The following CCDC13 variants were observed in gnomAD, a reference collection of about 807,000 sequenced individuals.
CCDC13 encodes the protein coiled-coil domain containing 13.
In CCDC13, 70 loss-of-function variants were observed where a neutral mutation model predicts 87.3. The observed-to-expected ratio is 0.80, with a 90% CI of 0.66 to 0.98. CCDC13 has a LOEUF of 0.98. Among genes scored for constraint, CCDC13 ranks in the 50% least tolerant of loss-of-function variants. The probability of loss-of-function intolerance (pLI) is 0.00; values close to 1 mark genes in which losing one functional copy is unlikely to be tolerated. For synonymous variants in CCDC13, 317 were observed against 360.3 expected (o/e 0.88, Z 1.36); for missense variants, 842 against 892.0 (o/e 0.94, Z 0.71).
chr3:42,730,678 A>T, intron 12 of CCDC13, 89 bp from the exon 13 acceptor site: 1 of 1,537,736 alleles, frequency 6.5e-7, no homozygotes, highest in Non-Finnish European at 8.9e-7. Context: ...GACTAGAAGG[A>T]CATTCAGGGC....
In CCDC13 at chr3:42,757,171, C is replaced by T; in HGVS notation, c.265G>A (p.Glu89Lys). 1 of 1,614,208 alleles carries T rather than the reference C, an allele frequency of 6.2e-7. No individual in the cohort carries two copies. The highest frequency in any genetic ancestry group is 8.5e-7 in the Non-Finnish European group (1 of 1,180,036). ...EIEHLRNELR[E>K]TVDENGRLYK... ...AATCGCCCGTTCTCGTCCACCGTTT[C>T]CCTGAGCTCATTTCGAAGGTGTTCA... The change falls in exon 3 of 16, where the codon GAA (glutamate) becomes AAA (lysine). Residue 89 changes from glutamate to lysine, a missense_variant. By Grantham distance (56) the Glu-to-Lys change is moderately conservative. Transcript: ENST00000310232.
rs368210202 is a variant in CCDC13, at chr3:42,767,928, C to T, written c.-7+5248G>A. Reference sequence around the variant, plus strand: ...GGCAGAGGTTGCAGTGAGCTGAGATCGTGACATTGCACTCCAGCCTGGCCA... The same window carrying T: ...GGCAGAGGTTGCAGTGAGCTGAGATTGTGACATTGCACTCCAGCCTGGCCA... On this transcript the variant is annotated intron_variant, in intron 1 of 15. Coordinates refer to ENST00000310232, the MANE Select transcript of CCDC13 (RefSeq NM_144719.4). 6.0e-5 allele frequency among the ~76,000 whole-genome samples: 9 copies of T among 151,006 alleles called. No individual in the cohort carries two copies. In the South Asian group the frequency reaches 8.4e-4, roughly 14 times the overall value.
chr3:42,752,099 T>A, intron 4 of CCDC13, 74 bp from the exon 5 acceptor site: 1 of 1,296,786 alleles, frequency 7.7e-7, no homozygotes, highest in East Asian at 2.3e-5. Flanking sequence ...CTGGTGCCAT[T>A]GTGTGTGTGG....
intron 5 of CCDC13, chr3:42,749,722 G>C: frequency 5.5e-6 from 2 of 361,368 alleles, no homozygotes; most frequent in South Asian, 4.1e-5. Context: ...GGGGACCTGG[G>C]TATGGGTACG....
Position 42,708,867 on chromosome 3 carries a change from T to C in CCDC13, c.*113A>G. 8.9e-7 allele frequency: 1 copy of C among 1,129,278 alleles called. No individual in the cohort carries two copies. The highest frequency in any genetic ancestry group is 1.2e-6 in the Non-Finnish European group (1 of 814,274). 70.0% of individuals were successfully genotyped at this position (1,129,278 alleles called of 1,614,324 possible). The stretch of plus-strand genomic sequence containing the variant: ...AGGAGCCTCTTCTGGTAGAAGTGGT[T>C]GAGCTGGCTGCCCTGGGCTGGCTTC... On this transcript the variant is annotated 3_prime_UTR_variant, in exon 16 of 16. Transcript: ENST00000310232.
chr3:42,771,598 T>TA (rs1237855881), intron 1 of CCDC13, among the ~76,000 whole-genome samples: 4 of 151,876 alleles, frequency 2.6e-5, no homozygotes, highest in Non-Finnish European at 4.4e-5. Flanking sequence ...TTACAAAAAA[T>TA]AAAAAAATTA....
intron 13 of CCDC13, among the ~76,000 whole-genome samples, chr3:42,718,823 T>C (rs996919703): frequency 2.0e-5 from 3 of 152,036 alleles, no homozygotes; most frequent in Non-Finnish European, 2.9e-5. Context: ...CCAAAGGAAA[T>C]AGACTTCAGC....
At chr3:42,715,159 A>G (rs77853045) in intron 13 of CCDC13, among the ~76,000 whole-genome samples, 1 of 129,320 alleles carries the variant, frequency 7.7e-6, no homozygotes, top group Non-Finnish European at 1.7e-5. Flanking sequence ...AAAAAAAAAA[A>G]TTAGCTAGGT....
chr3:42,735,665 C>G (rs199592393), intron 10 of CCDC13, 42 bp downstream of exon 10: 1 of 1,593,446 alleles, frequency 6.3e-7, no homozygotes, highest in South Asian at 1.1e-5. Flanking sequence ...TGGACTTGCC[C>G]GGCTTGAAAA....
rs773233143 is a variant in CCDC13 at position 42,739,813 on chromosome 3, G to A, written c.988-3C>T. 3 of 1,613,310 alleles carry A rather than the reference G, an allele frequency of 1.9e-6. No homozygotes were observed. The highest frequency in any genetic ancestry group is 2.2e-5 in the South Asian group (2 of 91,050). On this transcript the variant is annotated splice_region_variant and splice_polypyrimidine_tract_variant and intron_variant, in intron 8 of 15. Transcript: ENST00000310232. ...ACATCCCGTTCACTGGCAAGTTTCT[G>A]TAATTAGAAAGTGAGGGCATGGGCA...
intron 1 of CCDC13, among the ~76,000 whole-genome samples, chr3:42,766,048 G>C (rs1260729843): frequency 1.3e-5 from 2 of 152,306 alleles, no homozygotes; most frequent in African/African-American, 4.8e-5. Flanking sequence ...TAGCAGTGGA[G>C]ATGGAGGAGG....
Position 42,706,962 on chromosome 3 carries a change from A to G in CCDC13, c.*2018T>C, listed in dbSNP as rs1288109610. ...GCCCCAGGCAGCCCCACCTGTCCAG[A>G]CTCCATGACCTAATGCTCCTTCCTT... On this transcript the variant is annotated 3_prime_UTR_variant, in exon 16 of 16. Coordinates refer to ENST00000310232, the MANE Select transcript of CCDC13 (RefSeq NM_144719.4). Among the ~76,000 whole-genome samples the G allele has an allele frequency of 2.6e-5, 4 of 152,128 alleles. No individual in the cohort carries two copies. Among genetic ancestry groups the G allele is most frequent in the Non-Finnish European group, 5.9e-5 (4 of 68,008 alleles).
chr3:42,754,159 C>T (rs1699653512), intron 3 of CCDC13, among the ~76,000 whole-genome samples: 2 of 152,160 alleles, frequency 1.3e-5, no homozygotes, highest in South Asian at 4.1e-4. Flanking sequence ...TCATATGCCT[C>T]AGAACAAGAA....
intron 4 of CCDC13, 111 bp from the exon 5 acceptor site, chr3:42,752,136 T>C (rs763183876): frequency 2.3e-6 from 2 of 863,018 alleles, no homozygotes; most frequent in Non-Finnish European, 3.7e-6. Context: ...TGTGTCCTTT[T>C]AGCTCACTTT....
intron 13 of CCDC13, among the ~76,000 whole-genome samples, chr3:42,729,049 G>T (rs1412585273): frequency 3.3e-5 from 5 of 152,204 alleles, no homozygotes; most frequent in Admixed American, 6.5e-5. Flanking sequence ...ACCAGTGAGT[G>T]ACCCCAGCTG....
chr3:42,730,758 C>G (rs1422938945), intron 12 of CCDC13, among the ~76,000 whole-genome samples, 169 bp from the exon 13 acceptor site: 1 of 152,220 alleles, frequency 6.6e-6, no homozygotes, highest in Non-Finnish European at 1.5e-5. Context: ...TCTTTGCCCA[C>G]CATTCCTGGT....
At chr3:42,711,579 C>T (rs1009283933) in intron 14 of CCDC13, among the ~76,000 whole-genome samples, 5 of 152,226 alleles carry the variant, frequency 3.3e-5, no homozygotes, top group African/African-American at 1.2e-4. Context: ...CTCCAAGCAT[C>T]CAGCTAAGCT....
chr3:42,765,758 G>C (rs187387208), intron 1 of CCDC13, among the ~76,000 whole-genome samples: 14 of 152,308 alleles, frequency 9.2e-5, no homozygotes, highest in African/African-American at 1.2e-4. Flanking sequence ...GTGCCTGAGT[G>C]GGGGGCAACG....
At chr3:42,765,731 T>C (rs1458733003) in intron 1 of CCDC13, among the ~76,000 whole-genome samples, 2 of 152,144 alleles carry the variant, frequency 1.3e-5, no homozygotes, top group African/African-American at 4.8e-5. Context: ...GAAATTCACC[T>C]GGGTGGGGAA....
Sources: allele counts gnomAD v4.1 joint callset (sites outside exome capture counted in the v4.1 genomes callset), GRCh38; gene constraint gnomAD v4.1.1; transcripts MANE v1.5; gene names NCBI Gene and HGNC (gene_info 2026-07-23, HGNC 2026-07-21).